PTPRN2: variants seen among roughly 807,000 people sequenced by gnomAD.
PTPRN2 encodes receptor-type tyrosine-protein phosphatase N2.
A neutral mutation model predicts 118.8 loss-of-function variants in PTPRN2; 74 were observed. The observed-to-expected ratio is 0.62, with a 90% CI of 0.52 to 0.76. The LOEUF is 0.76. PTPRN2 is among the 30% of genes least tolerant of loss of function. The pLI is 0.00. For missense variants in PTPRN2, 1,481 were observed against 1,394.4 expected (o/e 1.06, Z -0.99); for synonymous variants, 641 against 608.0 (o/e 1.05, Z -0.80).
intron 12 of PTPRN2, among the ~76,000 whole-genome samples, chr7:157,720,380 T>G (rs2150912056): frequency 6.6e-6 from 1 of 152,322 alleles, no homozygotes; most frequent in African/African-American, 2.4e-5. Flanking sequence ...AAACCCACCT[T>G]GTCACTCTGG....
chr7:157,974,203 G>C lies in PTPRN2; in HGVS notation c.1724-75466C>G, dbSNP rs771786521. Among the ~76,000 whole-genome samples, 3 of 152,220 alleles carry C rather than the reference G, an allele frequency of 2.0e-5. No individual in the cohort carries two copies. Among genetic ancestry groups the C allele is most frequent in the Non-Finnish European group, 4.4e-5 (3 of 68,044 alleles). On this transcript the variant is annotated intron_variant, in intron 11 of 22. Transcript: ENST00000389418. The surrounding 1 kb of genome is among the most constrained non-coding windows in gnomAD (Gnocchi z 4.0). ...TTGTGGAAAGAATGGACAGCACCCT[G>C]GTTGATGTGCAGAGTGACCCTGCAG...
At chr7:158,502,137 A>G (rs1309274559) in intron 1 of PTPRN2, among the ~76,000 whole-genome samples, 1 of 152,190 alleles carries the variant, frequency 6.6e-6, no homozygotes, top group Non-Finnish European at 1.5e-5. Context: ...AGCTTCAAGC[A>G]CAAGAAGAAC....
chr7:158,163,341 C>A (rs889166856), intron 6 of PTPRN2, among the ~76,000 whole-genome samples: 1 of 144,998 alleles, frequency 6.9e-6, no homozygotes, highest in African/African-American at 2.6e-5. Context: ...CTCTCTATTT[C>A]ATAGGTGACG....
chr7:158,516,084 C>T (rs904698618), intron 1 of PTPRN2, among the ~76,000 whole-genome samples: 3 of 152,368 alleles, frequency 2.0e-5, no homozygotes, highest in Middle Eastern at 3.4e-3. Flanking sequence ...CCCCACGCCC[C>T]GGCCGCCTGG....
chr7:158,062,717 C>T (rs544680626), intron 11 of PTPRN2, among the ~76,000 whole-genome samples: 40 of 152,316 alleles, frequency 2.6e-4, no homozygotes, highest in African/African-American at 9.6e-4. Flanking sequence ...AGCACCCAGG[C>T]CAGCAGCTGC....
intron 1 of PTPRN2, among the ~76,000 whole-genome samples, chr7:158,504,930 G>T (rs1328861064): frequency 6.6e-6 from 1 of 152,122 alleles, no homozygotes; most frequent in Non-Finnish European, 1.5e-5. Flanking sequence ...TATTTTAAAG[G>T]TATATATGTA....
intron 11 of PTPRN2, among the ~76,000 whole-genome samples, chr7:157,916,277 C>T (rs1798388019): frequency 6.6e-6 from 1 of 152,198 alleles, no homozygotes; most frequent in South Asian, 2.1e-4. Flanking sequence ...GAGGGTCTCA[C>T]CCCAAATGGT....
At chr7:158,156,333 A>G (rs1821814975) in intron 6 of PTPRN2, among the ~76,000 whole-genome samples, 1 of 152,182 alleles carries the variant, frequency 6.6e-6, no homozygotes, top group African/African-American at 2.4e-5. Flanking sequence ...TGGCTTTCTA[A>G]AGACTGCTTC....
intron 3 of PTPRN2, among the ~76,000 whole-genome samples, chr7:158,213,524 C>G (rs1195909939): frequency 6.6e-6 from 1 of 152,128 alleles, no homozygotes; most frequent in East Asian, 1.9e-4. Flanking sequence ...GAATATATCA[C>G]TTAGAGTATA....
intron 12 of PTPRN2, among the ~76,000 whole-genome samples, chr7:157,799,349 A>C (rs1805082731): frequency 6.6e-6 from 1 of 151,720 alleles, no homozygotes; most frequent in Non-Finnish European, 1.5e-5. Flanking sequence ...CAAAGACCCC[A>C]CATCGCCATC....
At chr7:157,909,660 T>A (rs1363589611) in intron 11 of PTPRN2, among the ~76,000 whole-genome samples, 1 of 152,250 alleles carries the variant, frequency 6.6e-6, no homozygotes, top group Non-Finnish European at 1.5e-5. Flanking sequence ...TGCAGCCATC[T>A]GCATGGTCCT....
chr7:157,881,607 C>T lies in PTPRN2; in HGVS notation c.1788+17066G>A, dbSNP rs183089690. On this transcript the variant is annotated intron_variant, in intron 12 of 22. Transcript: ENST00000389418. The surrounding 1 kb of genome is among the most constrained non-coding windows in gnomAD (Gnocchi z 4.7). Reference sequence around the variant, plus strand: ...ACACCCTAGACATCTGAGGCCAAGCCCCTGTGACTGCAGGGATGCGTCTCT... The same window carrying T: ...ACACCCTAGACATCTGAGGCCAAGCTCCTGTGACTGCAGGGATGCGTCTCT... Among the ~76,000 whole-genome samples, 6 of 152,212 alleles carry T rather than the reference C, an allele frequency of 3.9e-5. No homozygotes were observed. Among genetic ancestry groups the T allele is most frequent in the Admixed American group, 3.9e-4 (6 of 15,284 alleles).
rs961144278 is a variant in PTPRN2 at position 158,371,266 on chromosome 7, G to A, written c.164-54334C>T. Among the ~76,000 whole-genome samples the A allele has an allele frequency of 1.7e-4, 26 of 151,048 alleles. 1 individual carries two copies. In the South Asian group the frequency reaches 2.3e-3, roughly 13 times the overall value. On this transcript the variant is annotated intron_variant, in intron 2 of 22. Transcript: ENST00000389418. Reference sequence around the variant, plus strand: ...TAGGAAAAATTTAGGTGAAAAAAAGGAAGGAAAAAATTAGGTGAATAGTTA... The same window carrying A: ...TAGGAAAAATTTAGGTGAAAAAAAGAAAGGAAAAAATTAGGTGAATAGTTA...
intron 3 of PTPRN2, among the ~76,000 whole-genome samples, chr7:158,206,296 C>A (rs1446525737): frequency 6.6e-6 from 1 of 152,204 alleles, no homozygotes; most frequent in African/African-American, 2.4e-5. Flanking sequence ...CAGGCCCTAG[C>A]TCCCAGGTGA....
At chr7:157,739,744 C>T (rs12673051) in intron 12 of PTPRN2, among the ~76,000 whole-genome samples, 1,589 of 152,328 alleles carry the variant, frequency 0.01, 24 homozygotes, top group African/African-American at 0.036. Flanking sequence ...CAGATCAGCC[C>T]TGGGGTCACC....
chr7:158,171,224 T>C (rs1257472706), intron 5 of PTPRN2, among the ~76,000 whole-genome samples: 2 of 132,834 alleles, frequency 1.5e-5, no homozygotes, highest in Admixed American at 7.4e-5. Context: ...CACACATATA[T>C]ACACACATAT....
chr7:158,247,543 T>C (rs1796339136), intron 3 of PTPRN2, among the ~76,000 whole-genome samples: 1 of 152,030 alleles, frequency 6.6e-6, no homozygotes, highest in African/African-American at 2.4e-5. Context: ...TCCTAAACAC[T>C]CCACACAGGT....
In PTPRN2 at chr7:158,538,607, GC is replaced by G. The variant is rs199634352; in HGVS notation, c.113-48823del. On this transcript the variant is annotated intron_variant, in intron 1 of 22. Coordinates refer to ENST00000389418, the MANE Select transcript of PTPRN2 (RefSeq NM_002847.5). The stretch of plus-strand genomic sequence containing the variant: ...GGGACCTGCAGAGACGCATCCCAGC[GC>G]CCTAGGCACTGAGAATAGGTGGGCG... Among the ~76,000 whole-genome samples, 1,067 of 152,228 alleles carry G rather than the reference GC, an allele frequency of 7.0e-3. 12 individuals are homozygous for G. The highest frequency in any genetic ancestry group is 0.024 in the African/African-American group (1,000 of 41,540).
intron 3 of PTPRN2, among the ~76,000 whole-genome samples, chr7:158,230,336 A>G (rs1182518476): frequency 6.6e-6 from 1 of 152,250 alleles, no homozygotes; most frequent in African/African-American, 2.4e-5. Context: ...CGGTAAAAGT[A>G]AGCACTCAAA....
Sources: allele counts gnomAD v4.1 joint callset (sites outside exome capture counted in the v4.1 genomes callset), GRCh38; gene constraint gnomAD v4.1.1; non-coding constraint Gnocchi (gnomAD v3.1); transcripts MANE v1.5; gene names NCBI Gene and HGNC (gene_info 2026-07-23, HGNC 2026-07-21).